Variants in GPC5 observed in about 807,000 individuals in gnomAD.
The protein encoded by GPC5 is glypican 5, also known as glypican-5.
In GPC5, 47 loss-of-function variants were observed where a neutral mutation model predicts 53.9. That is an observed-to-expected ratio of 0.87 (90% CI 0.69 to 1.11). GPC5 has a LOEUF of 1.11. Ranked by LOEUF, GPC5 falls within the 50% of genes most tolerant of loss-of-function variation. The pLI, the probability that GPC5 is intolerant of heterozygous loss-of-function variation, is 0.00. For synonymous variants in GPC5, 286 were observed against 263.3 expected (o/e 1.09, Z -0.84); for missense variants, 748 against 713.1 (o/e 1.05, Z -0.56).
At chr13:92,184,944 CT>C (rs1188806156) in intron 7 of GPC5, among the ~76,000 whole-genome samples, 1 of 152,090 alleles carries the variant, frequency 6.6e-6, no homozygotes, top group African/African-American at 2.4e-5. Flanking sequence ...AAGAAATTCA[CT>C]AAGTAATTTG....
chr13:92,783,282 C>T (rs1876097702), intron 7 of GPC5, among the ~76,000 whole-genome samples: 2 of 152,172 alleles, frequency 1.3e-5, no homozygotes, highest in South Asian at 2.1e-4. Context: ...CAACCAATCA[C>T]ACCATATTAT....
intron 3 of GPC5, among the ~76,000 whole-genome samples, chr13:91,705,428 A>G (rs2036077660): frequency 6.6e-6 from 1 of 152,208 alleles, no homozygotes; most frequent in Admixed American, 6.5e-5. Context: ...AAATGTCAAT[A>G]GAAAGCATGG....
intron 5 of GPC5, among the ~76,000 whole-genome samples, chr13:91,861,789 T>G (rs571579319): frequency 2.3e-4 from 31 of 136,912 alleles, no homozygotes; most frequent in African/African-American, 7.5e-4. Context: ...AATTGTGTTT[T>G]AAGTACTCAT....
intron 7 of GPC5, among the ~76,000 whole-genome samples, chr13:92,702,155 G>T (rs182265099): frequency 2.6e-5 from 4 of 152,124 alleles, no homozygotes; most frequent in Non-Finnish European, 5.9e-5. Flanking sequence ...GCTATATTCT[G>T]CCCTTTTATT....
intron 7 of GPC5, among the ~76,000 whole-genome samples, chr13:92,255,269 A>C (rs2042719342): frequency 6.6e-6 from 1 of 152,176 alleles, no homozygotes; most frequent in Non-Finnish European, 1.5e-5. Flanking sequence ...CACTGAAAGC[A>C]GACCACAAAA....
Position 91,547,424 on chromosome 13 carries a change from T to G in GPC5, c.325+98502T>G, listed in dbSNP as rs1297549077. ...ACCTAGATGAAATGGACCAATTCCT[T>G]GAAAGACACATGATATTTATATGAA... is the stretch of plus-strand genomic sequence containing the variant. On this transcript the variant is annotated intron_variant, in intron 2 of 7. Coordinates refer to ENST00000377067, the MANE Select transcript of GPC5 (RefSeq NM_004466.6). 2.0e-5 allele frequency among the ~76,000 whole-genome samples: 3 copies of G among 152,086 alleles called. No individual in the cohort carries two copies. The East Asian group carries it at 5.8e-4, about 29-fold the overall frequency.
intron 2 of GPC5, among the ~76,000 whole-genome samples, chr13:91,494,843 TA>T (rs1009583412): frequency 6.6e-6 from 1 of 152,218 alleles, no homozygotes; most frequent in Non-Finnish European, 1.5e-5. Context: ...GTGCCAACTC[TA>T]AACTGTACCA....
In GPC5 at chr13:91,954,911, G is replaced by A. The variant is rs72633747; in HGVS notation, c.1401+46854G>A. The stretch of plus-strand genomic sequence containing the variant: ...ATTTTAGCAAGACTATTGGATATAA[G>A]CTTAATTTCATAAAATCATATTCCT... On this transcript the variant is annotated intron_variant, in intron 6 of 7. Transcript: ENST00000377067. Among the ~76,000 whole-genome samples, 600 of 151,856 alleles carry A rather than the reference G, an allele frequency of 4.0e-3. 2 individuals are homozygous for A. The highest frequency in any genetic ancestry group is 0.014 in the Middle Eastern group (4 of 286).
intron 7 of GPC5, among the ~76,000 whole-genome samples, chr13:92,205,962 A>T (rs1310102158): frequency 6.7e-6 from 1 of 148,922 alleles, no homozygotes; most frequent in African/African-American, 2.5e-5. Context: ...CAATCGCTGG[A>T]ACACAAGAGG....
intron 2 of GPC5, among the ~76,000 whole-genome samples, chr13:91,478,382 C>T (rs189857583): frequency 2.5e-3 from 383 of 151,692 alleles, no homozygotes; most frequent in Non-Finnish European, 4.4e-3. Context: ...CTTTGAGTTT[C>T]TCATCTTTAA....
intron 7 of GPC5, among the ~76,000 whole-genome samples, chr13:92,816,576 T>C (rs1481890483): frequency 6.6e-6 from 1 of 152,048 alleles, no homozygotes; most frequent in African/African-American, 2.4e-5. Flanking sequence ...GCTTCTTCAT[T>C]CTCACCTTGC....
In GPC5 at chr13:91,597,788, G is replaced by A. The variant is rs549450565; in HGVS notation, c.326-95399G>A. Among the ~76,000 whole-genome samples the A allele has an allele frequency of 3.3e-5, 5 of 152,164 alleles. No homozygotes were observed. The South Asian group carries it at 1.0e-3, about 32-fold the overall frequency. ...GCATATTCCTTATGGCATTATCCCT[G>A]ATACCCTTTCAGCTTGTCTGTGGGC... On this transcript the variant is annotated intron_variant, in intron 2 of 7. Coordinates refer to ENST00000377067, the MANE Select transcript of GPC5 (RefSeq NM_004466.6).
Position 92,335,365 on chromosome 13 carries a change from C to T in GPC5, c.1561+190376C>T, listed in dbSNP as rs556260661. Among the ~76,000 whole-genome samples the T allele has an allele frequency of 5.9e-5, 9 of 152,182 alleles. No individual in the cohort carries two copies. The South Asian group carries it at 1.7e-3, about 28-fold the overall frequency. On this transcript the variant is annotated intron_variant, in intron 7 of 7. Coordinates refer to ENST00000377067, the MANE Select transcript of GPC5 (RefSeq NM_004466.6). ...GTGGCTGGGCACAGGACACTGAGTC[C>T]CAAGGCTGAATACAGAAGGGGGGCC...
intron 7 of GPC5, among the ~76,000 whole-genome samples, chr13:92,171,977 C>T (rs2042073763): frequency 6.6e-6 from 1 of 152,162 alleles, no homozygotes; most frequent in Non-Finnish European, 1.5e-5. Flanking sequence ...CCAAAGCCTA[C>T]CATTGCCGTA....
At chr13:91,830,355 A>G (rs1184053345) in intron 5 of GPC5, among the ~76,000 whole-genome samples, 1 of 152,038 alleles carries the variant, frequency 6.6e-6, no homozygotes, top group Non-Finnish European at 1.5e-5. Context: ...CAAGGTGCCC[A>G]GATTTCATAT....
chr13:92,700,832 AC>A (rs1887711517), intron 7 of GPC5, among the ~76,000 whole-genome samples: 1 of 152,094 alleles, frequency 6.6e-6, no homozygotes, highest in Non-Finnish European at 1.5e-5. Context: ...CCTGATACAT[AC>A]AAAAAAGGGA....
intron 7 of GPC5, among the ~76,000 whole-genome samples, chr13:92,333,865 C>T (rs2043304475): frequency 6.6e-6 from 1 of 152,050 alleles, no homozygotes; most frequent in Non-Finnish European, 1.5e-5. Context: ...AGGCTAAGGG[C>T]TCTTAATGGA....
At chr13:92,733,535 G>A (rs971288792) in intron 7 of GPC5, among the ~76,000 whole-genome samples, 2 of 151,714 alleles carry the variant, frequency 1.3e-5, no homozygotes, top group African/African-American at 2.4e-5. Context: ...GTTCAACTGA[G>A]TTGATTAAAA....
intron 7 of GPC5, among the ~76,000 whole-genome samples, chr13:92,786,142 A>C (rs1168242895): frequency 6.6e-6 from 1 of 152,158 alleles, no homozygotes; most frequent in Non-Finnish European, 1.5e-5. Context: ...TGATCACACA[A>C]AATCTTTATA....
Sources: gnomAD v4.1 joint callset for allele counts (sites outside exome capture counted in the v4.1 genomes callset) on GRCh38, gnomAD v4.1.1 for gene constraint, MANE v1.5 for transcripts, NCBI Gene and HGNC (gene_info 2026-07-23, HGNC 2026-07-21) for gene names.